SASH1: variants seen among roughly 807,000 people sequenced by gnomAD.
SASH1 encodes the protein SAM and SH3 domain containing 1.
A neutral mutation model predicts 125.2 loss-of-function variants in SASH1; 44 were observed. The observed-to-expected ratio is 0.35, with a 90% confidence interval of 0.28 to 0.45. SASH1 has a LOEUF of 0.45. Among genes scored for constraint, SASH1 ranks in the 20% least tolerant of loss-of-function variants. The probability of loss-of-function intolerance (pLI) is 1.00; values close to 1 mark genes in which losing one functional copy is unlikely to be tolerated. For synonymous variants in SASH1, 639 were observed against 649.1 expected (o/e 0.98, Z 0.24); for missense variants, 1,426 against 1,614.5 (o/e 0.88, Z 2.00).
intron 7 of SASH1, among the ~76,000 whole-genome samples, chr6:148,481,100 G>A (rs1778597888): frequency 6.6e-6 from 1 of 151,558 alleles, no homozygotes; most frequent in Non-Finnish European, 1.5e-5. Context: ...AGGTATTGCA[G>A]GTTTGCCATC....
the SASH1 span, among the ~76,000 whole-genome samples, chr6:148,240,390 C>G: frequency 6.6e-6 from 1 of 152,138 alleles, no homozygotes; most frequent in Non-Finnish European, 1.5e-5. Context: ...TCATCTGTTT[C>G]ATTTGAAAGT....
chr6:148,262,935 G>A, the SASH1 span, among the ~76,000 whole-genome samples: 3 of 152,260 alleles, frequency 2.0e-5, no homozygotes, highest in South Asian at 2.1e-4. Context: ...TTAGAGGAAC[G>A]GAGCTGCTGG....
At chr6:148,542,295 G>A (rs1352191578) in intron 17 of SASH1, among the ~76,000 whole-genome samples, 2 of 152,194 alleles carry the variant, frequency 1.3e-5, no homozygotes, top group Admixed American at 6.5e-5. Context: ...TTATGCTAAA[G>A]AGGTTCTAAT....
At chr6:148,476,118 T>C (rs1778330274) in intron 7 of SASH1, among the ~76,000 whole-genome samples, 1 of 152,072 alleles carries the variant, frequency 6.6e-6, no homozygotes, top group South Asian at 2.1e-4. Flanking sequence ...CATACATTTC[T>C]GTGTATGTGT....
At chr6:148,503,510 G>A (rs144209779) in intron 8 of SASH1, among the ~76,000 whole-genome samples, 56 of 152,248 alleles carry the variant, frequency 3.7e-4, no homozygotes, top group African/African-American at 9.4e-4. Flanking sequence ...CTTGACATGC[G>A]AAAATATTCA....
rs1041164756 is a variant in SASH1, at chr6:148,549,484, T to C, written c.*926T>C. 5.0e-6 allele frequency: 2 copies of C among 397,060 alleles called. No individual in the cohort carries two copies. The highest frequency in any genetic ancestry group is 2.6e-4 in the South Asian group (2 of 7,750). The allele number at this position is 397,060 out of a possible 1,614,324, so 24.6% of individuals were successfully genotyped here. Reference sequence around the variant, plus strand: ...TTTAACCAGTTTAGTATCGTTACTGTGTGGATCGTCGCGCTGCAGTATTGA... The same window carrying C: ...TTTAACCAGTTTAGTATCGTTACTGCGTGGATCGTCGCGCTGCAGTATTGA... On this transcript the variant is annotated 3_prime_UTR_variant, in exon 20 of 20. Coordinates refer to ENST00000367467, the MANE Select transcript of SASH1 (RefSeq NM_015278.5).
chr6:148,319,908 C>T (rs1780595754), intron 1 of SASH1, among the ~76,000 whole-genome samples: 1 of 152,212 alleles, frequency 6.6e-6, no homozygotes, highest in South Asian at 2.1e-4. Context: ...ACTCCTCCCT[C>T]TGTCCATTGT....
At chr6:148,193,813 G>A in the SASH1 span, among the ~76,000 whole-genome samples, 1 of 152,112 alleles carries the variant, frequency 6.6e-6, no homozygotes, top group African/African-American at 2.4e-5. Flanking sequence ...TGAATTGTTT[G>A]GCAGGAACTT....
rs35487674 is a variant in SASH1, at chr6:148,471,386, CTTTTTTTTTTTTTTTT to C, written c.428-19_428-4del. The C allele has an allele frequency of 7.9e-5, 40 of 503,566 alleles. No homozygotes were observed. The highest frequency in any genetic ancestry group is 6.7e-4 in the African/African-American group (19 of 28,456). 31.2% of individuals were successfully genotyped at this position (503,566 alleles called of 1,614,324 possible). On this transcript the variant is annotated splice_polypyrimidine_tract_variant and intron_variant, in intron 5 of 19. Coordinates refer to ENST00000367467, the MANE Select transcript of SASH1 (RefSeq NM_015278.5). ...GAATTTATTGCTTGTGCTTTTTGTT[CTTTTTTTTTTTTTTTT>C]TTTTTTTTTTTAAGGAAAAGGAGAC...
chr6:148,221,369 G>A, the SASH1 span, among the ~76,000 whole-genome samples: 13 of 152,166 alleles, frequency 8.5e-5, no homozygotes, highest in Non-Finnish European at 1.8e-4. Context: ...AGCTTGCTTA[G>A]TACTGAATTT....
At position 148,361,574 on chromosome 6, in the gene SASH1, T is replaced by C. The variant is rs1053365445; in HGVS notation, c.156+18351T>C. Among the ~76,000 whole-genome samples the C allele has an allele frequency of 1.2e-4, 18 of 150,150 alleles. No individual in the cohort carries two copies. The Admixed American group carries it at 1.2e-3, about 10-fold the overall frequency. Reference sequence around the variant, plus strand: ...CTGATCGCACCATTGCACTCCAGCCTGGGCAACAAGAGTGAAACTCTGTCT... The same window carrying C: ...CTGATCGCACCATTGCACTCCAGCCCGGGCAACAAGAGTGAAACTCTGTCT... On this transcript the variant is annotated intron_variant, in intron 1 of 19. Coordinates refer to ENST00000367467, the MANE Select transcript of SASH1 (RefSeq NM_015278.5).
At chr6:148,212,874 G>C in the SASH1 span, among the ~76,000 whole-genome samples, 1 of 152,164 alleles carries the variant, frequency 6.6e-6, no homozygotes, top group Non-Finnish European at 1.5e-5. Context: ...AACAGAGTGA[G>C]GCTTGAACCC....
chr6:148,424,181 T>C (rs1775701624), intron 2 of SASH1, among the ~76,000 whole-genome samples: 1 of 151,952 alleles, frequency 6.6e-6, no homozygotes, highest in African/African-American at 2.4e-5. Flanking sequence ...GAGTCCATCT[T>C]TGTCTTTTAA....
intron 8 of SASH1, chr6:148,508,773 G>A: frequency 8.0e-7 from 1 of 1,254,516 alleles, no homozygotes; most frequent in African/African-American, 1.6e-5. Context: ...TGAGATTGCG[G>A]AGTTTGATGC....
At chr6:148,401,370 C>T (rs558894161) in intron 2 of SASH1, among the ~76,000 whole-genome samples, 18 of 152,176 alleles carry the variant, frequency 1.2e-4, no homozygotes, top group African/African-American at 4.1e-4. Flanking sequence ...CATCTCAATA[C>T]ACCCCAGAGC....
chr6:148,326,343 T>TATATATATGC (rs1780809313), intron 1 of SASH1, among the ~76,000 whole-genome samples: 2 of 88,546 alleles, frequency 2.3e-5, no homozygotes, highest in African/African-American at 8.5e-5. Context: ...TATATATATA[T>TATATATATGC]ATATATATAT....
At chr6:148,360,641 C>T (rs987728891) in intron 1 of SASH1, among the ~76,000 whole-genome samples, 4 of 128,048 alleles carry the variant, frequency 3.1e-5, no homozygotes, top group Non-Finnish European at 1.8e-5. Context: ...GAGCCACCCC[C>T]CCGCCAGGCT....
At chr6:148,242,095 C>G in the SASH1 span, among the ~76,000 whole-genome samples, 3 of 152,118 alleles carry the variant, frequency 2.0e-5, no homozygotes, top group African/African-American at 7.2e-5. Flanking sequence ...ACACGGACAT[C>G]GTAAGATAAT....
At chr6:148,343,286 G>T (rs1582991012) in intron 1 of SASH1, 63 bp downstream of exon 1, 1 of 1,498,942 alleles carries the variant, frequency 6.7e-7, no homozygotes, top group East Asian at 2.5e-5. Context: ...TCTGAAACCG[G>T]GGGCTCCCTT....
Sources: gnomAD v4.1 joint callset for allele counts (sites outside exome capture counted in the v4.1 genomes callset) on GRCh38, gnomAD v4.1.1 for gene constraint, MANE v1.5 for transcripts, NCBI Gene and HGNC (gene_info 2026-07-23, HGNC 2026-07-21) for gene names.